The following RIMS2 variants were observed in gnomAD, a reference collection of about 807,000 sequenced individuals.
RIMS2 encodes the protein regulating synaptic membrane exocytosis protein 2.
A neutral mutation model predicts 174.4 loss-of-function variants in RIMS2; 59 were observed. The observed-to-expected ratio is 0.34, with a 90% CI of 0.27 to 0.42. The LOEUF is 0.42. Among genes scored for constraint, RIMS2 ranks in the 10% least tolerant of loss-of-function variants. The pLI is 1.00. For synonymous variants in RIMS2, 606 were observed against 572.5 expected (o/e 1.06, Z -0.84); for missense variants, 1,620 against 1,666.3 (o/e 0.97, Z 0.48).
intron 1 of RIMS2, among the ~76,000 whole-genome samples, chr8:103,668,854 T>G (rs1377070395): frequency 6.6e-6 from 1 of 152,022 alleles, no homozygotes; most frequent in Non-Finnish European, 1.5e-5. Flanking sequence ...CTAGAGCTTT[T>G]AATAATGGAG....
chr8:103,551,706 G>A (rs988468548), intron 1 of RIMS2, among the ~76,000 whole-genome samples: 6 of 152,172 alleles, frequency 3.9e-5, no homozygotes, highest in Middle Eastern at 3.4e-3. Context: ...AAACCCCATC[G>A]TGTCAGCCCC....
chr8:104,120,939 A>G (rs1013839793), intron 19 of RIMS2, among the ~76,000 whole-genome samples: 5 of 152,112 alleles, frequency 3.3e-5, no homozygotes, highest in African/African-American at 1.2e-4. Flanking sequence ...CCTTGGCAGT[A>G]TTTTACAAGA....
intron 1 of RIMS2, among the ~76,000 whole-genome samples, chr8:103,679,582 G>A (rs1054838320): frequency 2.6e-5 from 4 of 151,882 alleles, no homozygotes; most frequent in African/African-American, 9.7e-5. Flanking sequence ...GCCAGGAACA[G>A]CAGTAAATAT....
chr8:103,663,342 A>C (rs2136148656), intron 1 of RIMS2, among the ~76,000 whole-genome samples: 1 of 152,272 alleles, frequency 6.6e-6, no homozygotes, highest in Admixed American at 6.5e-5. Context: ...GAGGAAGTCA[A>C]ATTGTCTCTG....
chr8:103,958,204 A>G (rs923833120), intron 14 of RIMS2, among the ~76,000 whole-genome samples: 2 of 152,242 alleles, frequency 1.3e-5, no homozygotes, highest in Non-Finnish European at 2.9e-5. Flanking sequence ...CATATACACC[A>G]TAGAATACTA....
chr8:104,157,140 C>T lies in RIMS2; in HGVS notation c.3335-87776C>T, dbSNP rs546086961. On this transcript the variant is annotated intron_variant, in intron 19 of 23. Transcript: ENST00000504942. ...TATTTAAAAATATTGAATCATGCTA[C>T]TGTATGTTATTTACTACAAGTGACT... Among the ~76,000 whole-genome samples the T allele has an allele frequency of 2.0e-5, 3 of 152,152 alleles. No homozygotes were observed. The East Asian group carries it at 5.8e-4, about 29-fold the overall frequency.
chr8:104,187,414 T>G (rs2098974099), intron 19 of RIMS2, among the ~76,000 whole-genome samples: 1 of 151,846 alleles, frequency 6.6e-6, no homozygotes, highest in African/African-American at 2.4e-5. Context: ...AGTGTCCTGC[T>G]GCTAGGGAAG....
chr8:103,666,882 T>C (rs1196978799), intron 1 of RIMS2, among the ~76,000 whole-genome samples: 1 of 152,220 alleles, frequency 6.6e-6, no homozygotes, highest in African/African-American at 2.4e-5. Flanking sequence ...GTGTCGTTCA[T>C]AGGTTATGGT....
At chr8:103,589,846 A>G (rs2094159812) in intron 1 of RIMS2, among the ~76,000 whole-genome samples, 1 of 151,452 alleles carries the variant, frequency 6.6e-6, no homozygotes, top group Non-Finnish European at 1.5e-5. Context: ...GAGAAACATC[A>G]TGTATTCTCA....
intron 17 of RIMS2, among the ~76,000 whole-genome samples, chr8:104,002,865 A>T (rs2095440738): frequency 6.6e-6 from 1 of 152,086 alleles, no homozygotes; most frequent in African/African-American, 2.4e-5. Flanking sequence ...TTTTTATATT[A>T]CTTCAAGAGA....
At chr8:104,163,970 T>C (rs183986182) in intron 19 of RIMS2, among the ~76,000 whole-genome samples, 7 of 152,002 alleles carry the variant, frequency 4.6e-5, no homozygotes, top group Non-Finnish European at 8.8e-5. Context: ...GGAAAGGCAC[T>C]GTGCTCATTA....
chr8:103,863,096 T>A (rs183215704), intron 3 of RIMS2, among the ~76,000 whole-genome samples: 1 of 152,312 alleles, frequency 6.6e-6, no homozygotes, highest in East Asian at 1.9e-4. Context: ...ATATTGGCTG[T>A]GGGTTTGTCA....
chr8:104,106,635 G>C (rs190419381), intron 19 of RIMS2, among the ~76,000 whole-genome samples: 1 of 152,062 alleles, frequency 6.6e-6, no homozygotes, highest in Non-Finnish European at 1.5e-5. Context: ...TATGAAAGTA[G>C]AGAAATCATG....
intron 19 of RIMS2, among the ~76,000 whole-genome samples, chr8:104,156,770 C>G (rs1197063410): frequency 2.6e-5 from 4 of 152,082 alleles, no homozygotes; most frequent in African/African-American, 9.7e-5. Flanking sequence ...AACAGAGAAA[C>G]TCAATTGCTG....
At chr8:103,814,784 T>C (rs12675210) in intron 3 of RIMS2, among the ~76,000 whole-genome samples, 23,906 of 151,998 alleles carry the variant, frequency 0.16, 1,986 homozygotes, top group Middle Eastern at 0.24. Context: ...GAGGCTGAAG[T>C]GAGAGGATCA....
exon 14 of RIMS2, chr8:103,942,836 C>T (rs1295663978): frequency 6.2e-7 from 1 of 1,612,586 alleles, no homozygotes; most frequent in East Asian, 2.2e-5. Flanking sequence ...ACTTCAGACG[C>T]ATGATGTCTC....
intron 19 of RIMS2, among the ~76,000 whole-genome samples, chr8:104,189,549 G>C (rs1463544726): frequency 6.8e-6 from 1 of 147,836 alleles, no homozygotes; most frequent in Non-Finnish European, 1.5e-5. Context: ...ACTGGATAGA[G>C]AAAGAGAAAG....
chr8:103,611,699 C>A (rs1483292572), intron 1 of RIMS2, among the ~76,000 whole-genome samples: 1 of 151,644 alleles, frequency 6.6e-6, no homozygotes, highest in Non-Finnish European at 1.5e-5. Context: ...CTTTTAGGAT[C>A]CTTTCTTTAT....
chr8:103,958,990 G>T (rs2088755827), intron 14 of RIMS2, among the ~76,000 whole-genome samples: 1 of 152,130 alleles, frequency 6.6e-6, no homozygotes, highest in Non-Finnish European at 1.5e-5. Flanking sequence ...AAGAAAACTA[G>T]AACCCATGCA....
Sources: gnomAD v4.1 joint callset for allele counts (sites outside exome capture counted in the v4.1 genomes callset) on GRCh38, gnomAD v4.1.1 for gene constraint, MANE v1.5 for transcripts, NCBI Gene and HGNC (gene_info 2026-07-23, HGNC 2026-07-21) for gene names.